NLRP1: variants seen among roughly 807,000 people sequenced by gnomAD.
NLRP1 encodes NACHT, LRR and PYD domains-containing protein 1.
NLRP1 carries 94 observed loss-of-function variants against 136.7 expected under a neutral mutation model. The ratio of observed to expected loss-of-function variants is 0.69; its 90% CI spans 0.58 to 0.82. NLRP1 has a LOEUF of 0.82. NLRP1 is among the 40% of genes least tolerant of loss of function. The pLI is 0.00. For missense variants in NLRP1, 1,575 were observed against 1,802.7 expected, an observed-to-expected ratio of 0.87 and a Z score of 2.29; for synonymous variants, 690 against 725.1, an observed-to-expected ratio of 0.95 and a Z score of 0.78.
chr17:5,514,934 C>G lies in NLRP1; in HGVS notation c.4242G>C (p.Glu1414Asp). The change falls in exon 17 of 17, where the codon GAG becomes GAC. Residue 1414 changes from glutamate (E) to aspartate (D), a missense_variant. Glu to Asp is a conservative substitution (Grantham distance 45). Coordinates refer to ENST00000572272, the MANE Select transcript of NLRP1 (RefSeq NM_033004.4). ...HGQVLSQEQY[E>D]RVLAENTRPS... The stretch of plus-strand genomic sequence containing the variant: ...GCCTCGTGTTCTCAGCCAGCACCCT[C>G]TCGTACTGCTCCTGGCTCAGCACCT... 6.2e-7 allele frequency: 1 copy of G among 1,614,228 alleles called. No homozygotes were observed. The highest frequency in any genetic ancestry group is 8.5e-7 in the Non-Finnish European group (1 of 1,180,042).
chr17:5,536,320 T>G (rs1467984622), intron 8 of NLRP1, among the ~76,000 whole-genome samples: 1 of 152,026 alleles, frequency 6.6e-6, no homozygotes, highest in Admixed American at 6.6e-5. Flanking sequence ...AGCTAATTTT[T>G]GTATTTTTAG....
In NLRP1 at chr17:5,582,718, T is replaced by G; in HGVS notation, c.400A>C (p.Arg134=). The G allele has an allele frequency of 6.2e-7, 1 of 1,614,046 alleles. No homozygotes were observed. The highest frequency in any genetic ancestry group is 8.5e-7 in the Non-Finnish European group (1 of 1,180,004). ...LPAGCTQGSE[R]RVLRQLPDTS... ...TCAGGCAGCTGTCTCAAAACCCTTC[T>G]CTCTGAGCCCTGGGTGCACCCCGCC... The change falls in exon 2 of 17, where the codon AGA becomes CGA. Residue 134 remains arginine, a synonymous_variant. Transcript: ENST00000572272.
intron 3 of NLRP1, among the ~76,000 whole-genome samples, chr17:5,581,150 C>T (rs530856611): frequency 9.2e-5 from 14 of 152,160 alleles, no homozygotes; most frequent in Non-Finnish European, 1.8e-4. Flanking sequence ...AGGCATCCTC[C>T]GGCATTGAGA....
chr17:5,574,673 T>C (rs1035966913), intron 3 of NLRP1, among the ~76,000 whole-genome samples: 2 of 150,154 alleles, frequency 1.3e-5, no homozygotes, highest in Middle Eastern at 3.2e-3. Flanking sequence ...TTTTTTTTTT[T>C]TTTTTTGAGA....
chr17:5,507,538 T>G (rs998603103), intron 15 of NLRP1, among the ~76,000 whole-genome samples: 29 of 151,994 alleles, frequency 1.9e-4, no homozygotes, highest in African/African-American at 7.0e-4. Context: ...CTACTAAAAC[T>G]ACAAAAATTG....
At chr17:5,526,907 G>C (rs780795072) in intron 12 of NLRP1, among the ~76,000 whole-genome samples, 1 of 152,378 alleles carries the variant, frequency 6.6e-6, no homozygotes, top group South Asian at 2.1e-4. Context: ...ACTCACCATG[G>C]AAAGTTAATG....
At chr17:5,523,044 G>C (rs572872727) in intron 12 of NLRP1, among the ~76,000 whole-genome samples, 10 of 152,238 alleles carry the variant, frequency 6.6e-5, no homozygotes, top group African/African-American at 2.4e-4. Context: ...TTGACTAAGT[G>C]GTTGTCTCTA....
intron 12 of NLRP1, among the ~76,000 whole-genome samples, chr17:5,522,006 G>A (rs894572216): frequency 1.3e-5 from 2 of 152,134 alleles, no homozygotes; most frequent in African/African-American, 4.8e-5. Context: ...TGTATTTTTA[G>A]TAGAGATGGG....
intron 3 of NLRP1, among the ~76,000 whole-genome samples, chr17:5,565,709 T>G (rs1486918669): frequency 6.6e-6 from 1 of 152,214 alleles, no homozygotes; most frequent in South Asian, 2.1e-4. Flanking sequence ...AGTGTGGTAA[T>G]AGTCCTTCCT....
intron 3 of NLRP1, among the ~76,000 whole-genome samples, chr17:5,581,589 G>A (rs956643022): frequency 4.6e-5 from 7 of 152,150 alleles, no homozygotes; most frequent in Non-Finnish European, 1.0e-4. Flanking sequence ...TAAACCAGGT[G>A]ATGTGTAACC....
At chr17:5,543,467 T>C (rs1338113451) in intron 5 of NLRP1, among the ~76,000 whole-genome samples, 2 of 152,154 alleles carry the variant, frequency 1.3e-5, no homozygotes, top group Non-Finnish European at 2.9e-5. Context: ...AAGATAGTAG[T>C]AGGTCTTGGA....
At chr17:5,573,343 C>G (rs369635616) in intron 3 of NLRP1, among the ~76,000 whole-genome samples, 1 of 152,152 alleles carries the variant, frequency 6.6e-6, no homozygotes, top group Non-Finnish European at 1.5e-5. Context: ...TGGAGCCCAC[C>G]GCAGCTCAAG....
chr17:5,517,602 G>T, intron 15 of NLRP1, 144 bp downstream of exon 15: 1 of 878,318 alleles, frequency 1.1e-6, no homozygotes, highest in Admixed American at 2.3e-5. Context: ...TGGCCAGGCT[G>T]GTCTTGAACT....
intron 5 of NLRP1, among the ~76,000 whole-genome samples, chr17:5,552,500 G>A (rs1913501551): frequency 6.6e-6 from 1 of 152,050 alleles, no homozygotes; most frequent in African/African-American, 2.4e-5. Flanking sequence ...GCAAGCACGA[G>A]ATCACACTCA....
intron 3 of NLRP1, among the ~76,000 whole-genome samples, chr17:5,574,038 C>T (rs1904733286): frequency 1.3e-5 from 2 of 152,256 alleles, no homozygotes; most frequent in African/African-American, 2.4e-5. Context: ...GAATCCATCA[C>T]AAAGAAGCTA....
intron 14 of NLRP1, 128 bp from the exon 15 acceptor site, chr17:5,518,015 C>T: frequency 2.4e-6 from 2 of 827,738 alleles, no homozygotes; most frequent in East Asian, 5.1e-5. Context: ...TGAAATCAAC[C>T]ATCACCTTCA....
intron 3 of NLRP1, among the ~76,000 whole-genome samples, chr17:5,561,177 C>A (rs1024966097): frequency 6.6e-6 from 1 of 152,184 alleles, no homozygotes; most frequent in Non-Finnish European, 1.5e-5. Context: ...CTGCCTCAGC[C>A]CCCAGAGTAG....
At chr17:5,522,426 G>A (rs1432845796) in intron 12 of NLRP1, among the ~76,000 whole-genome samples, 3 of 152,230 alleles carry the variant, frequency 2.0e-5, no homozygotes, top group Admixed American at 1.3e-4. Flanking sequence ...CAGCTAGAAG[G>A]CTCCATGTAT....
chr17:5,525,404 G>C (rs1909404903), intron 12 of NLRP1, among the ~76,000 whole-genome samples: 1 of 152,226 alleles, frequency 6.6e-6, no homozygotes, highest in Non-Finnish European at 1.5e-5. Context: ...CCAGCCGCAT[G>C]CCCGGTGTTT....
Sources: gnomAD v4.1 joint callset for allele counts (sites outside exome capture counted in the v4.1 genomes callset) on GRCh38, gnomAD v4.1.1 for gene constraint, MANE v1.5 for transcripts, NCBI Gene and HGNC (gene_info 2026-07-23, HGNC 2026-07-21) for gene names.